The following PACRGL variants were observed in gnomAD, a reference collection of about 807,000 sequenced individuals.
The protein encoded by PACRGL is PACRG-like protein.
In PACRGL, 38 loss-of-function variants were observed where a neutral mutation model predicts 34.5. The observed-to-expected ratio is 1.10, with a 90% CI of 0.85 to 1.44. The LOEUF is 1.44. Among genes scored for constraint, PACRGL ranks in the 40% most tolerant of loss-of-function variants. PACRGL has a pLI of 0.00. For synonymous variants in PACRGL, 128 were observed against 100.1 expected, an observed-to-expected ratio of 1.28 and a Z score of -1.66; for missense variants, 305 against 281.4, an observed-to-expected ratio of 1.08 and a Z score of -0.60.
chr4:20,715,921 G>A (rs567234147), intron 7 of PACRGL, among the ~76,000 whole-genome samples: 65 of 152,228 alleles, frequency 4.3e-4, no homozygotes, highest in Admixed American at 3.7e-3. Context: ...ATGGTATTAT[G>A]CTCATGTTGA....
In PACRGL at chr4:20,713,556, T is replaced by TTAGATAATGATTGACTGTA. The variant is rs1412202502; in HGVS notation, c.609+19_609+37dup. The TTAGATAATGATTGACTGTA allele has an allele frequency of 1.0e-5, 16 of 1,564,990 alleles. No homozygotes were observed. The highest frequency in any genetic ancestry group is 1.2e-5 in the Non-Finnish European group (14 of 1,136,054). ...CTTACAAGCGTAAGTACTGCAAAGA[T>TTAGATAATGATTGACTGTA]TAGATAATGATTGACTGTATGTATC... On this transcript the variant is annotated intron_variant, in intron 7 of 8. Transcript: ENST00000503585.
At position 20,727,398 on chromosome 4, in the gene PACRGL, G is replaced by A. The variant is rs1205902022; in HGVS notation, c.*57G>A. 2 of 1,361,536 alleles carry A rather than the reference G, an allele frequency of 1.5e-6. No homozygotes were observed. Among genetic ancestry groups the A allele is most frequent in the Non-Finnish European group, 2.1e-6 (2 of 953,776 alleles). The allele number at this position is 1,361,536 out of a possible 1,614,324, so 84.3% of individuals were successfully genotyped here. A position where few individuals can be genotyped will look rare whatever the true frequency, so the allele number is the denominator to read the frequency against. On this transcript the variant is annotated 3_prime_UTR_variant, in exon 9 of 9. Coordinates refer to ENST00000503585, the MANE Select transcript of PACRGL (RefSeq NM_001258345.3). ...CCTGTTGACGTGTCAAGCACTAACTGTGGGTACTCATTTATTTTATTCTTT... is the reference window on the plus strand; with the variant it reads ...CCTGTTGACGTGTCAAGCACTAACTATGGGTACTCATTTATTTTATTCTTT...
intron 3 of PACRGL, among the ~76,000 whole-genome samples, chr4:20,707,265 G>A (rs1254747827): frequency 6.6e-6 from 1 of 152,040 alleles, no homozygotes; most frequent in African/African-American, 2.4e-5. Flanking sequence ...TTCATATATA[G>A]CAAAACTGAA....
the PACRGL span, chr4:20,767,185 C>T: frequency 6.6e-6 from 1 of 152,146 alleles, no homozygotes; most frequent in Admixed American, 6.5e-5. Context: ...TCTAGAATAA[C>T]ACAGGTCTGA....
At chr4:20,738,802 C>T (rs971341960) in intron 8 of PACRGL, among the ~76,000 whole-genome samples, 16 of 152,214 alleles carry the variant, frequency 1.1e-4, no homozygotes, top group Middle Eastern at 6.8e-3. Context: ...TCGCCTCACC[C>T]AGGAAGCGCA....
downstream of PACRGL, chr4:20,734,794 A>G (rs1372406911): frequency 1.1e-6 from 1 of 951,146 alleles, no homozygotes; most frequent in Non-Finnish European, 1.5e-6. Flanking sequence ...AAAACAAAAA[A>G]AACAAATGAT....
At chr4:20,753,697 A>G (rs544916306), downstream of PACRGL, among the ~76,000 whole-genome samples, 1 of 152,314 alleles carries the variant, frequency 6.6e-6, no homozygotes, top group South Asian at 2.1e-4. Context: ...ATGTGTGAAT[A>G]GTAGCTTCTG....
At chr4:20,718,160 G>C (rs926837419) in intron 7 of PACRGL, among the ~76,000 whole-genome samples, 6 of 152,154 alleles carry the variant, frequency 3.9e-5, no homozygotes, top group Non-Finnish European at 8.8e-5. Context: ...AAGAATGCTT[G>C]TGATTTTTGC....
At chr4:20,708,669 T>A (rs890188705) in intron 4 of PACRGL, among the ~76,000 whole-genome samples, 18 of 152,088 alleles carry the variant, frequency 1.2e-4, no homozygotes, top group Admixed American at 1.0e-3. Context: ...CGTCTTACTC[T>A]TATGAAAATA....
intron 8 of PACRGL, among the ~76,000 whole-genome samples, chr4:20,748,183 T>C (rs1439064185): frequency 6.6e-6 from 1 of 152,148 alleles, no homozygotes; most frequent in Non-Finnish European, 1.5e-5. Context: ...GCCTAAGACA[T>C]GTCAACTTCT....
chr4:20,765,231 C>T, the PACRGL span, among the ~76,000 whole-genome samples: 1 of 152,146 alleles, frequency 6.6e-6, no homozygotes, highest in Non-Finnish European at 1.5e-5. Flanking sequence ...ATAACTCTGA[C>T]TCCATGAATT....
In PACRGL at chr4:20,731,906, T is replaced by C; in HGVS notation, c.*4565T>C. ...TGTAGAAGTGGTAAACTTAGGCATA[T>C]GATCTCTATATTTCGCCCAGTTCAT... On this transcript the variant is annotated 3_prime_UTR_variant, in exon 9 of 9. Coordinates refer to ENST00000503585, the MANE Select transcript of PACRGL (RefSeq NM_001258345.3). 2.6e-6 allele frequency: 4 copies of C among 1,526,728 alleles called. No individual in the cohort carries two copies. The highest frequency in any genetic ancestry group is 2.6e-6 in the Non-Finnish European group (3 of 1,135,944). The allele number at this position is 1,526,728 out of a possible 1,614,324, so 94.6% of individuals were successfully genotyped here. A position where few individuals can be genotyped will look rare whatever the true frequency, so the allele number is the denominator to read the frequency against.
At chr4:20,755,633 G>A (rs967521213), downstream of PACRGL, among the ~76,000 whole-genome samples, 3 of 152,158 alleles carry the variant, frequency 2.0e-5, no homozygotes, top group African/African-American at 7.2e-5. Context: ...GGATTGTCTC[G>A]AGTGCCGAAA....
intron 5 of PACRGL, among the ~76,000 whole-genome samples, chr4:20,711,870 T>C (rs1371109425): frequency 6.6e-6 from 1 of 152,174 alleles, no homozygotes; most frequent in African/African-American, 2.4e-5. Context: ...ACATTTAAAA[T>C]CTTAACATGC....
chr4:20,729,235 G>A lies in PACRGL; in HGVS notation c.*1894G>A, dbSNP rs1747082091. The A allele has an allele frequency of 6.6e-6, 1 of 151,984 alleles. No individual in the cohort carries two copies. The highest frequency in any genetic ancestry group is 1.5e-5 in the Non-Finnish European group (1 of 68,000). 9.4% of individuals were successfully genotyped at this position (151,984 alleles called of 1,614,324 possible). On this transcript the variant is annotated 3_prime_UTR_variant, in exon 9 of 9. Transcript: ENST00000503585. ...TGTTATTAAGCATTACTATATACTGGAGGATAGATATCCTGACCCTTTGCA... is the reference window on the plus strand; with the variant it reads ...TGTTATTAAGCATTACTATATACTGAAGGATAGATATCCTGACCCTTTGCA...
upstream of PACRGL, among the ~76,000 whole-genome samples, chr4:20,697,171 T>C (rs1341022982): frequency 6.6e-6 from 1 of 152,208 alleles, no homozygotes; most frequent in Non-Finnish European, 1.5e-5. Flanking sequence ...GACTTTATAA[T>C]GATGATGTCT....
At chr4:20,763,515 A>G in the PACRGL span, among the ~76,000 whole-genome samples, 13 of 152,312 alleles carry the variant, frequency 8.5e-5, no homozygotes, top group South Asian at 2.5e-3. Context: ...TTAAAGTGGT[A>G]TACATCATTT....
At chr4:20,760,842 T>TGAGC in the PACRGL span, among the ~76,000 whole-genome samples, 63 of 152,220 alleles carry the variant, frequency 4.1e-4, no homozygotes, top group South Asian at 5.4e-3. Context: ...CAAAAACAAA[T>TGAGC]GAGCAAGCAA....
At chr4:20,753,970 A>C (rs2149350037), downstream of PACRGL, among the ~76,000 whole-genome samples, 1 of 152,282 alleles carries the variant, frequency 6.6e-6, no homozygotes, top group African/African-American at 2.4e-5. Context: ...AGTGTAGACA[A>C]CATAAGTGCA....
Sources: allele counts gnomAD v4.1 joint callset (sites outside exome capture counted in the v4.1 genomes callset), GRCh38; gene constraint gnomAD v4.1.1; transcripts MANE v1.5; gene names NCBI Gene and HGNC (gene_info 2026-07-23, HGNC 2026-07-21).